The following NRXN1 variants were observed in gnomAD, a reference collection of about 807,000 sequenced individuals.
The protein encoded by NRXN1 is neurexin 1.
NRXN1 carries 39 observed loss-of-function variants against 150.9 expected under a neutral mutation model. The ratio of observed to expected loss-of-function variants is 0.26; its 90% CI spans 0.20 to 0.34. NRXN1 has a LOEUF of 0.34. NRXN1 is among the 10% of genes least tolerant of loss of function. The pLI is 1.00. For synonymous variants in NRXN1, 924 were observed against 757.0 expected, an observed-to-expected ratio of 1.22 and a Z score of -3.62; for missense variants, 1,815 against 1,949.9, an observed-to-expected ratio of 0.93 and a Z score of 1.30.
At chr2:50,047,734 C>A (rs551923529) in intron 21 of NRXN1, among the ~76,000 whole-genome samples, 2 of 151,756 alleles carry the variant, frequency 1.3e-5, no homozygotes, top group Non-Finnish European at 2.9e-5. Flanking sequence ...TTTCCTGCAG[C>A]CTTTGACATC....
intron 5 of NRXN1, among the ~76,000 whole-genome samples, chr2:50,647,144 A>G (rs17539653): frequency 0.11 from 16,739 of 151,758 alleles, 996 homozygotes; most frequent in Middle Eastern, 0.18. Context: ...ACACATCTCA[A>G]TTTTAGACTT....
intron 19 of NRXN1, among the ~76,000 whole-genome samples, chr2:50,059,148 T>G (rs557372728): frequency 6.6e-6 from 1 of 152,122 alleles, no homozygotes; most frequent in East Asian, 1.9e-4. Context: ...TGTTGAATGA[T>G]GTTGACCAAA....
At chr2:50,359,829 A>G (rs1469946836) in intron 17 of NRXN1, among the ~76,000 whole-genome samples, 1 of 152,186 alleles carries the variant, frequency 6.6e-6, no homozygotes, top group Non-Finnish European at 1.5e-5. Context: ...GTTGAAATGA[A>G]GGAAAAAATG....
At chr2:50,321,237 C>T (rs982352896) in intron 17 of NRXN1, among the ~76,000 whole-genome samples, 1 of 152,100 alleles carries the variant, frequency 6.6e-6, no homozygotes, top group Non-Finnish European at 1.5e-5. Context: ...GACTCTACAC[C>T]AAAGCGATAT....
intron 21 of NRXN1, among the ~76,000 whole-genome samples, chr2:49,967,080 A>G (rs561201442): frequency 6.6e-6 from 1 of 152,302 alleles, no homozygotes; most frequent in Non-Finnish European, 1.5e-5. Flanking sequence ...AATTTCCCAA[A>G]GTAGTCTTAT....
intron 8 of NRXN1, among the ~76,000 whole-genome samples, chr2:50,566,727 G>A (rs1310294520): frequency 6.6e-6 from 1 of 152,098 alleles, no homozygotes; most frequent in African/African-American, 2.4e-5. Context: ...AAATTACACA[G>A]TAACTAGGTG....
intron 17 of NRXN1, among the ~76,000 whole-genome samples, chr2:50,283,281 TAA>T (rs1165893859): frequency 2.6e-5 from 4 of 152,188 alleles, no homozygotes; most frequent in Non-Finnish European, 5.9e-5. Context: ...TAAGATGTAC[TAA>T]AAAGACAATA....
chr2:50,847,680 C>T (rs749287968), intron 5 of NRXN1, among the ~76,000 whole-genome samples: 6 of 152,138 alleles, frequency 3.9e-5, no homozygotes, highest in African/African-American at 1.2e-4. Flanking sequence ...CAGCAGAAGA[C>T]GACACAAGCT....
chr2:50,616,869 G>A (rs2194384), intron 8 of NRXN1, among the ~76,000 whole-genome samples: 1 of 152,126 alleles, frequency 6.6e-6, no homozygotes, highest in Non-Finnish European at 1.5e-5. Flanking sequence ...ATAATTAAGG[G>A]TTTACACATG....
intron 21 of NRXN1, among the ~76,000 whole-genome samples, chr2:49,956,821 C>T (rs1675045972): frequency 6.6e-6 from 1 of 152,128 alleles, no homozygotes; most frequent in Non-Finnish European, 1.5e-5. Context: ...CTGTATATAA[C>T]TGTTGATTTA....
At chr2:50,893,845 A>G (rs529575900) in intron 5 of NRXN1, among the ~76,000 whole-genome samples, 4 of 152,170 alleles carry the variant, frequency 2.6e-5, no homozygotes, top group African/African-American at 9.6e-5. Flanking sequence ...GAGTGAGAAT[A>G]TGCGGTGTTT....
intron 17 of NRXN1, among the ~76,000 whole-genome samples, chr2:50,336,476 TATTA>T (rs1186932977): frequency 6.6e-6 from 1 of 152,258 alleles, no homozygotes; most frequent in African/African-American, 2.4e-5. Context: ...CAAATAAGTT[TATTA>T]ATTGTCAGTC....
intron 6 of NRXN1, among the ~76,000 whole-genome samples, chr2:50,622,479 A>G (rs1014122037): frequency 3.9e-5 from 6 of 152,174 alleles, no homozygotes; most frequent in African/African-American, 1.4e-4. Flanking sequence ...ACACTTAACA[A>G]AATGATACAC....
chr2:50,080,016 G>A (rs983520837), intron 19 of NRXN1, among the ~76,000 whole-genome samples: 53 of 152,106 alleles, frequency 3.5e-4, no homozygotes, highest in African/African-American at 1.1e-3. Context: ...GTTTTAAATT[G>A]CATGCCATTC....
chr2:50,541,607 C>T (rs957590477), intron 9 of NRXN1, among the ~76,000 whole-genome samples: 1 of 152,038 alleles, frequency 6.6e-6, no homozygotes, highest in African/African-American at 2.4e-5. Flanking sequence ...ATTCTTACTA[C>T]AAATTTATCA....
chr2:50,645,819 C>T (rs1199247753), intron 5 of NRXN1, among the ~76,000 whole-genome samples: 2 of 151,898 alleles, frequency 1.3e-5, no homozygotes, highest in South Asian at 2.1e-4. Context: ...AATGCTATTG[C>T]CTGAATGTAA....
chr2:50,075,434 G>C (rs1696934508), intron 19 of NRXN1, among the ~76,000 whole-genome samples: 1 of 152,124 alleles, frequency 6.6e-6, no homozygotes, highest in Admixed American at 6.5e-5. Context: ...AATAATGTCA[G>C]CCCAAGAATA....
intron 17 of NRXN1, among the ~76,000 whole-genome samples, chr2:50,292,318 G>C (rs1004833202): frequency 2.0e-5 from 3 of 152,124 alleles, no homozygotes; most frequent in African/African-American, 7.2e-5. Context: ...TGTTTTTGTA[G>C]TATAACAGGT....
chr2:50,192,643 G>C (rs761465096), intron 18 of NRXN1, among the ~76,000 whole-genome samples: 4 of 152,016 alleles, frequency 2.6e-5, no homozygotes, highest in Non-Finnish European at 4.4e-5. Flanking sequence ...GTCCTGCCCT[G>C]TCACCCAGGC....
Sources: allele counts gnomAD v4.1 joint callset (sites outside exome capture counted in the v4.1 genomes callset), GRCh38; gene constraint gnomAD v4.1.1; transcripts MANE v1.5; gene names NCBI Gene and HGNC (gene_info 2026-07-23, HGNC 2026-07-21).